Variants in ZCCHC24 observed in about 807,000 individuals in gnomAD.
The protein encoded by ZCCHC24 is zinc finger CCHC-type containing 24.
In ZCCHC24, 10 loss-of-function variants were observed where a neutral mutation model predicts 26.2. The observed-to-expected ratio is 0.38, with a 90% CI of 0.24 to 0.65. The LOEUF is 0.65. Among genes scored for constraint, ZCCHC24 ranks in the 30% least tolerant of loss-of-function variants. The probability of loss-of-function intolerance (pLI) is 0.54; values close to 1 mark genes in which losing one functional copy is unlikely to be tolerated. For missense variants in ZCCHC24, 243 were observed against 329.1 expected (o/e 0.74, Z 2.03); for synonymous variants, 144 against 147.1 (o/e 0.98, Z 0.15).
At chr10:79,423,589 A>ATATTTTATATATATATATATTTTT (rs1201819628) in intron 2 of ZCCHC24, among the ~76,000 whole-genome samples, 1 of 93,106 alleles carries the variant, frequency 1.1e-5, no homozygotes, top group Non-Finnish European at 2.4e-5. Flanking sequence ...TACTATATAT[A>ATATTTTATATATATATATATTTTT]TATATATATA....
At position 79,390,129 on chromosome 10, in the gene ZCCHC24, C is replaced by A. The variant is rs139270490; in HGVS notation, c.613-3671G>T. 3.1e-3 allele frequency among the ~76,000 whole-genome samples: 465 copies of A among 152,292 alleles called. 4 individuals carry two copies. Among genetic ancestry groups the A allele is most frequent in the Middle Eastern group, 6.8e-3 (2 of 294 alleles). On this transcript the variant is annotated intron_variant, in intron 3 of 3. Coordinates refer to ENST00000372336, the MANE Select transcript of ZCCHC24 (RefSeq NM_153367.4). ...CAAGCAATCCTCCCACCTTGGCCTC[C>A]CAAAGTGCTGGGACTACAGGTATGA...
intron 1 of ZCCHC24, among the ~76,000 whole-genome samples, 193 bp from the exon 2 acceptor site, chr10:79,432,951 G>T (rs1857156040): frequency 6.6e-6 from 1 of 152,144 alleles, no homozygotes; most frequent in Non-Finnish European, 1.5e-5. Context: ...GGCCTCAGTG[G>T]CCCTATCTGC....
At position 79,409,491 on chromosome 10, in the gene ZCCHC24, G is replaced by C. The variant is rs1856762609; in HGVS notation, c.448-15051C>G. 2.6e-5 allele frequency among the ~76,000 whole-genome samples: 4 copies of C among 152,328 alleles called. No homozygotes were observed. The South Asian group carries it at 8.3e-4, about 32-fold the overall frequency. On this transcript the variant is annotated intron_variant, in intron 2 of 3. Transcript: ENST00000372336. Reference sequence around the variant, plus strand: ...TCCTCAGGGACAGAGACCCTGTAGGGGTCCCCTCTGATTCCCTGGGCCCAG... The same window carrying C: ...TCCTCAGGGACAGAGACCCTGTAGGCGTCCCCTCTGATTCCCTGGGCCCAG...
In ZCCHC24 at chr10:79,445,484, GC is replaced by G. The variant is rs779575339; in HGVS notation, c.-45del. ...GCCCCTCCCCGGCCGCCCGCTCGCG[GC>G]CCCCCTCCGCAGCGGAGGGGCGGGC... On this transcript the variant is annotated 5_prime_UTR_variant, in exon 1 of 4. Transcript: ENST00000372336. 1.1e-5 allele frequency: 15 copies of G among 1,312,670 alleles called. No individual in the cohort carries two copies. In the South Asian group the frequency reaches 1.4e-4, roughly 13 times the overall value. The allele number at this position is 1,312,670 out of a possible 1,614,324, so 81.3% of individuals were successfully genotyped here. A position where few individuals can be genotyped will look rare whatever the true frequency, so the allele number is the denominator to read the frequency against.
At position 79,432,687 on chromosome 10, in the gene ZCCHC24, G is replaced by A. The variant is rs375681284; in HGVS notation, c.318C>T (p.Ser106=). Reference sequence around the variant, plus strand: ...GGTCTGAGAAGTGCTCGGTGAGGGAGCTGAGGCCATCGGCGATGTTGTTGA... The same window carrying A: ...GGTCTGAGAAGTGCTCGGTGAGGGAACTGAGGCCATCGGCGATGTTGTTGA... ...GSLNNIADGL[S]SLTEHFSDLT... The change falls in exon 2 of 4, where the codon AGC becomes AGT. Residue 106 remains serine (S), a synonymous_variant. Coordinates refer to ENST00000372336, the MANE Select transcript of ZCCHC24 (RefSeq NM_153367.4). 4.4e-6 allele frequency: 7 copies of A among 1,608,828 alleles called. No homozygotes were observed. The African/African-American group carries it at 8.0e-5, about 18-fold the overall frequency.
At chr10:79,414,785 A>G (rs563097961) in intron 2 of ZCCHC24, among the ~76,000 whole-genome samples, 1 of 152,156 alleles carries the variant, frequency 6.6e-6, no homozygotes, top group African/African-American at 2.4e-5. Flanking sequence ...CTGAATTCAA[A>G]TTTCTAGCAC....
intron 1 of ZCCHC24, chr10:79,443,971 C>T: frequency 4.9e-6 from 6 of 1,220,338 alleles, no homozygotes; most frequent in East Asian, 3.0e-5. Context: ...GTCCATGCCT[C>T]CCCTAGTAAA....
chr10:79,437,573 C>T (rs1173079967), intron 1 of ZCCHC24, among the ~76,000 whole-genome samples: 1 of 152,198 alleles, frequency 6.6e-6, no homozygotes, highest in African/African-American at 2.4e-5. Flanking sequence ...GCCTCCAAGG[C>T]TTGACCTCCC....
chr10:79,420,072 A>T (rs981093412), intron 2 of ZCCHC24, among the ~76,000 whole-genome samples: 1 of 16,240 alleles, frequency 6.2e-5, no homozygotes, highest in African/African-American at 2.2e-4. Context: ...CCAATCCCCC[A>T]CCCCTGCTCC....
chr10:79,434,482 G>C (rs1278938535), intron 1 of ZCCHC24, among the ~76,000 whole-genome samples: 8 of 152,116 alleles, frequency 5.3e-5, no homozygotes, highest in Non-Finnish European at 5.9e-5. Flanking sequence ...CCACATCACA[G>C]GATAACAGTG....
chr10:79,445,055 C>G lies in ZCCHC24; in HGVS notation c.246+140G>C, dbSNP rs867604388. On this transcript the variant is annotated intron_variant, in intron 1 of 3. Coordinates refer to ENST00000372336, the MANE Select transcript of ZCCHC24 (RefSeq NM_153367.4). ...GGGCGGCGAGTTTGGCAGAGTTGAA[C>G]GAAGCCAAGCCAAGCCGGGCCCGGC... is the stretch of plus-strand genomic sequence containing the variant. 109 of 936,646 alleles carry G rather than the reference C, an allele frequency of 1.2e-4. 1 individual carries two copies. In the African/African-American group the frequency reaches 1.6e-3, roughly 14 times the overall value. 58.0% of individuals were successfully genotyped at this position (936,646 alleles called of 1,614,324 possible). A position where few individuals can be genotyped will look rare whatever the true frequency, so the allele number is the denominator to read the frequency against.
intron 2 of ZCCHC24, among the ~76,000 whole-genome samples, chr10:79,430,264 T>C (rs1344124161): frequency 6.6e-6 from 1 of 151,950 alleles, no homozygotes; most frequent in African/African-American, 2.4e-5. Flanking sequence ...CCACCACTCA[T>C]GAAGGGAGGA....
chr10:79,417,438 T>C (rs1176572064), intron 2 of ZCCHC24, among the ~76,000 whole-genome samples: 2 of 152,046 alleles, frequency 1.3e-5, no homozygotes, highest in Non-Finnish European at 2.9e-5. Flanking sequence ...TGCAGCCTGA[T>C]TTCTGCCAGG....
At chr10:79,387,162 TCA>T (rs1269601017) in intron 3 of ZCCHC24, among the ~76,000 whole-genome samples, 3 of 152,190 alleles carry the variant, frequency 2.0e-5, no homozygotes, top group East Asian at 1.9e-4. Flanking sequence ...GAATGAAACC[TCA>T]GTTTTCCAAC....
At chr10:79,394,721 C>T (rs1246295191) in intron 2 of ZCCHC24, 1 of 836,672 alleles carries the variant, frequency 1.2e-6, no homozygotes, top group Non-Finnish European at 1.4e-6. Context: ...TCAATGGTGG[C>T]TGGAAATTAC....
intron 2 of ZCCHC24, chr10:79,403,651 C>T (rs1415781124): frequency 5.2e-6 from 5 of 965,046 alleles, no homozygotes; most frequent in African/African-American, 1.8e-5. Flanking sequence ...CAGCCGTCCT[C>T]GCCTCCTTGC....
intron 3 of ZCCHC24, among the ~76,000 whole-genome samples, chr10:79,390,060 G>A (rs1025422483): frequency 2.6e-5 from 4 of 152,124 alleles, no homozygotes; most frequent in South Asian, 2.1e-4. Context: ...TTATAGAGAC[G>A]AGGTCTCACT....
At chr10:79,439,952 T>C (rs1857269094) in intron 1 of ZCCHC24, among the ~76,000 whole-genome samples, 1 of 152,094 alleles carries the variant, frequency 6.6e-6, no homozygotes, top group African/African-American at 2.4e-5. Flanking sequence ...TTGGAATGTG[T>C]CCATGTACAA....
intron 2 of ZCCHC24, chr10:79,403,577 A>T: frequency 1.0e-6 from 1 of 985,368 alleles, no homozygotes; most frequent in Non-Finnish European, 1.2e-6. Context: ...GGGAGGGAGG[A>T]AGGACGCGGC....
Sources: gnomAD v4.1 joint callset for allele counts (sites outside exome capture counted in the v4.1 genomes callset) on GRCh38, gnomAD v4.1.1 for gene constraint, MANE v1.5 for transcripts, NCBI Gene and HGNC (gene_info 2026-07-23, HGNC 2026-07-21) for gene names.